CSMD3: variants seen among roughly 807,000 people sequenced by gnomAD.
CSMD3 encodes CUB and sushi domain-containing protein 3.
In CSMD3, 177 loss-of-function variants were observed where a neutral mutation model predicts 435.2. The observed-to-expected ratio is 0.41, with a 90% confidence interval of 0.36 to 0.46. The LOEUF is 0.46. CSMD3 is among the 20% of genes least tolerant of loss of function. CSMD3 has a pLI of 0.34. For missense variants in CSMD3, 4,265 were observed against 4,504.6 expected (o/e 0.95, Z 1.52); for synonymous variants, 1,656 against 1,520.5 (o/e 1.09, Z -2.07).
At chr8:112,878,439 G>A (rs921681891) in intron 10 of CSMD3, among the ~76,000 whole-genome samples, 7 of 152,170 alleles carry the variant, frequency 4.6e-5, no homozygotes, top group African/African-American at 1.7e-4. Flanking sequence ...AGGATGTGGA[G>A]AAATAGGAAC....
intron 27 of CSMD3, among the ~76,000 whole-genome samples, chr8:112,540,766 C>A (rs963697649): frequency 6.6e-6 from 1 of 151,828 alleles, no homozygotes; most frequent in Admixed American, 6.6e-5. Flanking sequence ...ATGGTAGTTA[C>A]TAGATACTGG....
At chr8:112,901,864 T>C (rs2082115678) in intron 10 of CSMD3, among the ~76,000 whole-genome samples, 1 of 151,306 alleles carries the variant, frequency 6.6e-6, no homozygotes. Flanking sequence ...ATCAAATTGA[T>C]GGGGTTCGGG....
chr8:112,287,266 A>G lies in CSMD3; in HGVS notation c.9149-20T>C. Reference sequence around the variant, plus strand: ...CATCACCTGCAATGCAGTACAGTTCAAGTTAACCAATTCCCATAAACATTT... The same window carrying G: ...CATCACCTGCAATGCAGTACAGTTCGAGTTAACCAATTCCCATAAACATTT... On this transcript the variant is annotated intron_variant, in intron 57 of 70. Transcript: ENST00000297405. 1 of 1,612,388 alleles carries G rather than the reference A, an allele frequency of 6.2e-7. No individual in the cohort carries two copies. Among genetic ancestry groups the G allele is most frequent in the Non-Finnish European group, 8.5e-7 (1 of 1,178,654 alleles).
intron 5 of CSMD3, among the ~76,000 whole-genome samples, chr8:113,041,953 A>G (rs989924449): frequency 6.6e-6 from 1 of 152,148 alleles, no homozygotes; most frequent in African/African-American, 2.4e-5. Context: ...GAAATACTCT[A>G]TTCTCCATTT....
intron 3 of CSMD3, among the ~76,000 whole-genome samples, chr8:113,176,513 CT>C (rs1322571332): frequency 6.6e-6 from 1 of 152,108 alleles, no homozygotes; most frequent in Non-Finnish European, 1.5e-5. Context: ...TCTTCTTACT[CT>C]TAATGTTTTA....
At chr8:112,712,082 G>A (rs2076622347) in intron 13 of CSMD3, among the ~76,000 whole-genome samples, 1 of 152,118 alleles carries the variant, frequency 6.6e-6, no homozygotes, top group South Asian at 2.1e-4. Flanking sequence ...GTGACACTCT[G>A]TGTGCAAGTC....
rs550416316 is a variant in CSMD3, at chr8:112,406,183, AT to A, written c.5809+340del. 1.3e-3 allele frequency among the ~76,000 whole-genome samples: 198 copies of A among 152,260 alleles called. 1 individual carries two copies. Among genetic ancestry groups the A allele is most frequent in the Non-Finnish European group, 1.1e-3 (77 of 67,990 alleles). Reference sequence around the variant, plus strand: ...CTGTGTACCCACAACAATTAAAAAAATAAAATAAAAGGATAGTAGTCCTTCA... The same window carrying A: ...CTGTGTACCCACAACAATTAAAAAAAAAAATAAAAGGATAGTAGTCCTTCA... On this transcript the variant is annotated intron_variant, in intron 35 of 70. Transcript: ENST00000297405.
intron 27 of CSMD3, among the ~76,000 whole-genome samples, chr8:112,534,306 A>C (rs1310915591): frequency 6.6e-6 from 1 of 152,176 alleles, no homozygotes; most frequent in African/African-American, 2.4e-5. Context: ...AAGAGAGAAG[A>C]ATCAAACAGA....
At chr8:113,401,134 G>A (rs940726376) in intron 1 of CSMD3, among the ~76,000 whole-genome samples, 5 of 151,610 alleles carry the variant, frequency 3.3e-5, no homozygotes, top group Non-Finnish European at 4.4e-5. Context: ...TAGAAGCCAA[G>A]GAACACTGTT....
chr8:113,012,827 C>T (rs1322919857), intron 6 of CSMD3, among the ~76,000 whole-genome samples: 1 of 152,100 alleles, frequency 6.6e-6, no homozygotes, highest in Non-Finnish European at 1.5e-5. Flanking sequence ...ATTGTCTGAA[C>T]CAAAAGTTAT....
Position 112,255,348 on chromosome 8 carries a change from T to C in CSMD3, c.9942A>G (p.Ser3314=), listed in dbSNP as rs1190624345. ...GKSFIYQSEV[S]FSCNFPFILV... The stretch of plus-strand genomic sequence containing the variant: ...ATATGAAAGGAAAATTGCAGCTGAA[T>C]GAAACCTCTGACTGGTATATAAAGC... Residue 3314 remains serine, a synonymous_variant, in exon 62 of 71, where the codon TCA becomes TCG. Transcript: ENST00000297405. 3 of 1,613,744 alleles carry C rather than the reference T, an allele frequency of 1.9e-6. No individual in the cohort carries two copies. Among genetic ancestry groups the C allele is most frequent in the Admixed American group, 1.7e-5 (1 of 59,964 alleles).
intron 13 of CSMD3, among the ~76,000 whole-genome samples, chr8:112,771,267 T>C (rs1445505915): frequency 6.6e-6 from 1 of 151,980 alleles, no homozygotes; most frequent in East Asian, 1.9e-4. Flanking sequence ...GGGCAGAGTG[T>C]GGTGGTTTAC....
chr8:112,307,032 GAA>G (rs71672988), intron 50 of CSMD3, among the ~76,000 whole-genome samples: 1 of 138,164 alleles, frequency 7.2e-6, no homozygotes, highest in Admixed American at 7.2e-5. Flanking sequence ...CTTAGAAACA[GAA>G]AAAAAAAAAC....
chr8:112,824,686 T>C (rs2079625943), intron 12 of CSMD3, among the ~76,000 whole-genome samples: 1 of 152,218 alleles, frequency 6.6e-6, no homozygotes, highest in South Asian at 2.1e-4. Flanking sequence ...GTTAGTCTGA[T>C]GGGCTTCCCT....
At chr8:112,818,545 C>T (rs1041836787) in intron 12 of CSMD3, among the ~76,000 whole-genome samples, 21 of 152,134 alleles carry the variant, frequency 1.4e-4, no homozygotes, top group Admixed American at 1.3e-3. Context: ...CTAGTGTTAA[C>T]TGTTAGAAAA....
intron 7 of CSMD3, among the ~76,000 whole-genome samples, chr8:112,965,482 A>C (rs1587780576): frequency 6.6e-6 from 1 of 152,102 alleles, no homozygotes; most frequent in East Asian, 1.9e-4. Flanking sequence ...TCTGAAAAAA[A>C]TATATAGGTT....
At chr8:112,863,422 T>C (rs2129928863) in intron 10 of CSMD3, among the ~76,000 whole-genome samples, 1 of 151,992 alleles carries the variant, frequency 6.6e-6, no homozygotes. Context: ...AAAATACCAT[T>C]TATATTATAT....
intron 38 of CSMD3, among the ~76,000 whole-genome samples, chr8:112,352,856 T>C (rs1456134543): frequency 6.6e-6 from 1 of 152,056 alleles, no homozygotes. Flanking sequence ...GAAAAGAAAA[T>C]TCCTACATGA....
At chr8:112,487,693 C>T (rs971353959) in intron 31 of CSMD3, among the ~76,000 whole-genome samples, 23 of 151,992 alleles carry the variant, frequency 1.5e-4, no homozygotes, top group African/African-American at 4.1e-4. Flanking sequence ...AGGTAAGAGA[C>T]GGCAGATGCT....
Sources: allele counts gnomAD v4.1 joint callset (sites outside exome capture counted in the v4.1 genomes callset), GRCh38; gene constraint gnomAD v4.1.1; transcripts MANE v1.5; gene names NCBI Gene and HGNC (gene_info 2026-07-23, HGNC 2026-07-21).